Variants in SLC25A14 observed in about 807,000 individuals in gnomAD.
SLC25A14 encodes brain mitochondrial carrier protein 1.
A neutral mutation model predicts 28.1 loss-of-function variants in SLC25A14; 8 were observed. The observed-to-expected ratio is 0.28, with a 90% CI of 0.17 to 0.51. The LOEUF (loss-of-function observed/expected upper bound fraction) is 0.51. Ranked by LOEUF, SLC25A14 falls within the 20% of genes least tolerant of loss-of-function variation. The pLI is 0.97. For missense variants in SLC25A14, 135 were observed against 263.8 expected (o/e 0.51, Z 3.38); for synonymous variants, 74 against 90.6 (o/e 0.82, Z 1.04).
At position 130,349,253 on chromosome X, in the gene SLC25A14, T is replaced by C. The variant is rs934114863; in HGVS notation, c.320T>C (p.Ile107Thr). The C allele has an allele frequency of 8.6e-7, 1 of 1,157,286 alleles. No individual in the cohort carries two copies. Among genetic ancestry groups the C allele is most frequent in the Non-Finnish European group, 1.2e-6 (1 of 856,576 alleles). The change falls in exon 5 of 11, where the codon ATT (isoleucine) becomes ACT (threonine). Residue 107 changes from isoleucine to threonine, a missense_variant and splice_region_variant. Physicochemically the swap from Ile to Thr is moderately conservative, Grantham distance 89. Coordinates refer to ENST00000545805, the MANE Select transcript of SLC25A14 (RefSeq NM_001282195.2). ...CTTTTTACTTTTTTTTTTTTCAGAATTGCTCCTGCGTTGCTAAGACAAGCA... is the reference window on the plus strand; with the variant it reads ...CTTTTTACTTTTTTTTTTTTCAGAACTGCTCCTGCGTTGCTAAGACAAGCA... The part of the protein sequence containing the change: ...EEGVLALYSG[I>T]APALLRQASY...
rs1395946228 is a variant in SLC25A14 at position 130,345,168 on chromosome X, G to A, written c.76-14G>A. ...TCACTCTTGTGCCTTGTTCTGATTT[G>A]TGTTTATTTTTAGCACCAGAAAAGT... On this transcript the variant is annotated splice_polypyrimidine_tract_variant and intron_variant, in intron 2 of 10. Coordinates refer to ENST00000545805, the MANE Select transcript of SLC25A14 (RefSeq NM_001282195.2). 4 of 1,107,367 alleles carry A rather than the reference G, an allele frequency of 3.6e-6. No individual in the cohort carries two copies. In the Middle Eastern group the frequency reaches 9.7e-4, roughly 269 times the overall value. The allele number at this position is 1,107,367 out of a possible 1,213,427, so 91.3% of individuals were successfully genotyped here.
At chrX:130,340,956 A>G (rs756988457) in intron 2 of SLC25A14, among the ~76,000 whole-genome samples, 1 of 109,871 alleles carries the variant, frequency 9.1e-6, no homozygotes, top group Non-Finnish European at 1.9e-5. Flanking sequence ...ATACTGTTTC[A>G]GTCAACAAGG....
Position 130,349,235 on chromosome X carries a change from C to CT in SLC25A14, c.318-4dup, listed in dbSNP as rs34538632. 0.087 allele frequency: 60,807 copies of CT among 699,094 alleles called. No homozygotes were observed. Among genetic ancestry groups the CT allele is most frequent in the Non-Finnish European group, 0.095 (48,482 of 512,412 alleles). The allele number at this position is 699,094 out of a possible 1,213,427, so 57.6% of individuals were successfully genotyped here. On this transcript the variant is annotated splice_polypyrimidine_tract_variant and intron_variant, in intron 4 of 10. Transcript: ENST00000545805. ...TGAAAATGTTGAGAATAACTTTTTA[C>CT]TTTTTTTTTTTTCAGAATTGCTCCT... is the stretch of plus-strand genomic sequence containing the variant.
intron 7 of SLC25A14, among the ~76,000 whole-genome samples, chrX:130,361,786 C>T (rs1224763108): frequency 2.7e-5 from 3 of 111,803 alleles, no homozygotes; most frequent in Admixed American, 9.5e-5. Flanking sequence ...ATGGTGAGCC[C>T]GGTGTGGTCA....
intron 2 of SLC25A14, among the ~76,000 whole-genome samples, chrX:130,342,228 CA>C (rs908983239): frequency 9.0e-5 from 10 of 111,480 alleles, no homozygotes; most frequent in Admixed American, 8.5e-4. Context: ...AAAGAAGGTT[CA>C]AAAAATATTG....
chrX:130,351,929 GTTTAT>G (rs758369945), intron 6 of SLC25A14, among the ~76,000 whole-genome samples: 1 of 110,606 alleles, frequency 9.0e-6, no homozygotes, highest in East Asian at 2.8e-4. Context: ...TTTTTTCACC[GTTTAT>G]TTTAGATTCA....
At chrX:130,362,762 G>C (rs751565862) in intron 7 of SLC25A14, among the ~76,000 whole-genome samples, 46 of 112,213 alleles carry the variant, frequency 4.1e-4, no homozygotes, top group Non-Finnish European at 7.7e-4. Flanking sequence ...TAGCAACCCT[G>C]TGTTGTAATG....
At chrX:130,370,255 A>G (rs1246752837) in intron 9 of SLC25A14, among the ~76,000 whole-genome samples, 3 of 112,306 alleles carry the variant, frequency 2.7e-5, no homozygotes, top group African/African-American at 9.7e-5. Context: ...TATCTCTAGT[A>G]TACTTAATGT....
At chrX:130,371,828 G>C (rs1433846864) in intron 10 of SLC25A14, among the ~76,000 whole-genome samples, 184 bp downstream of exon 10, 1 of 111,852 alleles carries the variant, frequency 8.9e-6, no homozygotes, top group African/African-American at 3.3e-5. Flanking sequence ...CAAACTAAAA[G>C]GGATAGAAAA....
intron 7 of SLC25A14, among the ~76,000 whole-genome samples, chrX:130,360,758 C>G (rs181060627): frequency 1.4e-4 from 16 of 111,937 alleles, no homozygotes; most frequent in African/African-American, 5.2e-4. Flanking sequence ...TTCACAGGAG[C>G]ATAGCTACTT....
chrX:130,365,361 G>A (rs1229012688), intron 8 of SLC25A14, 180 bp from the exon 9 acceptor site: 6 of 1,025,227 alleles, frequency 5.9e-6, no homozygotes, highest in Non-Finnish European at 7.5e-6. Context: ...TGAAGGGACA[G>A]CCTTTGAATG....
chrX:130,357,873 C>T (rs905645105), intron 6 of SLC25A14, among the ~76,000 whole-genome samples: 3 of 111,854 alleles, frequency 2.7e-5, no homozygotes, highest in Non-Finnish European at 5.6e-5. Flanking sequence ...TAATATTATG[C>T]TTTTTATAAA....
intron 7 of SLC25A14, among the ~76,000 whole-genome samples, chrX:130,363,182 C>T (rs2034022216): frequency 8.9e-6 from 1 of 112,217 alleles, no homozygotes; most frequent in Admixed American, 9.5e-5. Flanking sequence ...AACCCTTACC[C>T]TTTACCCATC....
intron 6 of SLC25A14, 71 bp from the exon 7 acceptor site, chrX:130,358,569 A>G: frequency 1.5e-6 from 1 of 679,368 alleles, no homozygotes; most frequent in Admixed American, 2.8e-5. Context: ...ATGAATTTAA[A>G]TGAACTTAAA....
At chrX:130,365,721 G>A in intron 9 of SLC25A14, 45 bp downstream of exon 9, 2 of 957,345 alleles carry the variant, frequency 2.1e-6, no homozygotes, top group Non-Finnish European at 3.0e-6. Context: ...TTTCTTTGAT[G>A]TCTTAGACCT....
chrX:130,348,780 A>AC (rs3084881), intron 4 of SLC25A14, among the ~76,000 whole-genome samples: 149 of 46,200 alleles, frequency 3.2e-3, no homozygotes, highest in East Asian at 7.0e-3. Flanking sequence ...TTGAGACTCT[A>AC]CCCCCCCCCC....
intron 9 of SLC25A14, among the ~76,000 whole-genome samples, chrX:130,369,559 CAGT>C (rs778836803): frequency 1.3e-3 from 144 of 112,179 alleles, no homozygotes; most frequent in African/African-American, 4.4e-3. Flanking sequence ...AATAGTGACT[CAGT>C]AGTGGGGAAC....
chrX:130,354,209 G>C (rs368948686), intron 6 of SLC25A14, among the ~76,000 whole-genome samples: 76 of 109,287 alleles, frequency 7.0e-4, no homozygotes, highest in African/African-American at 2.5e-3. Flanking sequence ...CGCCTCCCGG[G>C]TTCACGCCAT....
At chrX:130,350,094 CT>C (rs2124751677) in intron 5 of SLC25A14, among the ~76,000 whole-genome samples, 1 of 111,567 alleles carries the variant, frequency 9.0e-6, no homozygotes, top group East Asian at 2.8e-4. Context: ...TTTCTTTGTT[CT>C]TTTTTCTCAC....
Sources: gnomAD v4.1 joint callset for allele counts (sites outside exome capture counted in the v4.1 genomes callset) on GRCh38, gnomAD v4.1.1 for gene constraint, MANE v1.5 for transcripts, NCBI Gene and HGNC (gene_info 2026-07-23, HGNC 2026-07-21) for gene names.